Variants in NAALADL2 observed in about 807,000 individuals in gnomAD.
NAALADL2 encodes N-acetylated alpha-linked acidic dipeptidase like 2, also known as inactive N-acetylated-alpha-linked acidic dipeptidase-like protein 2.
Under a neutral mutation model 87.2 loss-of-function variants are expected in NAALADL2, and 76 were observed. The observed-to-expected ratio is 0.87, with a 90% CI of 0.72 to 1.05. The LOEUF (loss-of-function observed/expected upper bound fraction) is 1.05, where lower values mean the gene tolerates loss of function less well. NAALADL2 is among the 50% of genes least tolerant of loss of function. NAALADL2 has a pLI of 0.00. For synonymous variants in NAALADL2, 354 were observed against 331.0 expected (o/e 1.07, Z -0.75); for missense variants, 1,089 against 945.8 (o/e 1.15, Z -1.99).
chr3:174,924,921 GT>G (rs1433358507), intron 1 of NAALADL2, among the ~76,000 whole-genome samples: 16 of 152,176 alleles, frequency 1.1e-4, no homozygotes, highest in Middle Eastern at 3.4e-3. Flanking sequence ...GGGGTTGTTT[GT>G]TTTTTTCTTG....
intron 6 of NAALADL2, among the ~76,000 whole-genome samples, chr3:175,458,304 A>G (rs1375461155): frequency 6.6e-6 from 1 of 151,790 alleles, no homozygotes; most frequent in Non-Finnish European, 1.5e-5. Flanking sequence ...TTACATTTGT[A>G]TGTAAGTATA....
At chr3:175,483,034 G>T (rs957333380) in intron 9 of NAALADL2, among the ~76,000 whole-genome samples, 1 of 151,848 alleles carries the variant, frequency 6.6e-6, no homozygotes, top group Non-Finnish European at 1.5e-5. Flanking sequence ...TGAATAAAAG[G>T]TCTGAATTTC....
intron 11 of NAALADL2, among the ~76,000 whole-genome samples, chr3:175,671,690 A>G (rs531269529): frequency 1.3e-5 from 2 of 152,152 alleles, no homozygotes; most frequent in South Asian, 2.1e-4. Context: ...TACTTAGGAA[A>G]AAAAGAGAAC....
chr3:175,639,655 C>G (rs1729032125), intron 11 of NAALADL2, among the ~76,000 whole-genome samples: 2 of 152,064 alleles, frequency 1.3e-5, no homozygotes, highest in Admixed American at 6.6e-5. Flanking sequence ...ATAGGGAACA[C>G]TTTTGTGGTT....
chr3:175,201,713 A>G (rs1445545287), intron 2 of NAALADL2, among the ~76,000 whole-genome samples: 2 of 151,620 alleles, frequency 1.3e-5, no homozygotes, highest in African/African-American at 2.4e-5. Context: ...GCTTTCTACC[A>G]TCTGTTGTGT....
At chr3:175,765,007 C>G (rs1397483644) in intron 13 of NAALADL2, among the ~76,000 whole-genome samples, 1 of 152,032 alleles carries the variant, frequency 6.6e-6, no homozygotes, top group African/African-American at 2.4e-5. Flanking sequence ...GAACTAAAAT[C>G]CCACCATTGT....
chr3:174,591,537 C>T (rs1024263664), intron 2 of NAALADL2, among the ~76,000 whole-genome samples: 6 of 152,154 alleles, frequency 3.9e-5, no homozygotes, highest in African/African-American at 1.2e-4. Context: ...TGAAAACTTC[C>T]CATCATCTTT....
In NAALADL2 at chr3:174,623,939, G is replaced by A. The variant is rs1042944061; in HGVS notation, c.-115+73302G>A. Among the ~76,000 whole-genome samples the A allele has an allele frequency of 7.2e-5, 11 of 151,976 alleles. 1 individual carries two copies. The highest frequency in any genetic ancestry group is 2.4e-4 in the African/African-American group (10 of 41,378). On this transcript the variant is annotated intron_variant, in intron 2 of 3. Coordinates refer to the NAALADL2 transcript ENST00000434257. Reference sequence around the variant, plus strand: ...AAGTTACTTGGAAAGTAGAGTGATCGATTTAGTTGTATATTTGGATTAGCA... The same window carrying A: ...AAGTTACTTGGAAAGTAGAGTGATCAATTTAGTTGTATATTTGGATTAGCA...
At chr3:175,186,662 T>C (rs1234609127) in intron 2 of NAALADL2, among the ~76,000 whole-genome samples, 1 of 152,118 alleles carries the variant, frequency 6.6e-6, no homozygotes, top group African/African-American at 2.4e-5. Flanking sequence ...TGCAGAAAAC[T>C]GTCTGGCAAA....
At chr3:175,468,604 T>C (rs1176171307) in intron 8 of NAALADL2, among the ~76,000 whole-genome samples, 1 of 152,088 alleles carries the variant, frequency 6.6e-6, no homozygotes, top group Non-Finnish European at 1.5e-5. Flanking sequence ...TTTTGCTATT[T>C]CAAACTATAT....
intron 1 of NAALADL2, among the ~76,000 whole-genome samples, chr3:174,943,265 T>C (rs1738891742): frequency 6.6e-6 from 1 of 152,210 alleles, no homozygotes; most frequent in Admixed American, 6.5e-5. Context: ...TATTTGAAGC[T>C]GCTTTCTTGT....
chr3:174,949,677 T>C (rs976043319), intron 1 of NAALADL2, among the ~76,000 whole-genome samples: 3 of 152,184 alleles, frequency 2.0e-5, no homozygotes, highest in Non-Finnish European at 4.4e-5. Context: ...AAAGGAATGT[T>C]AGTATAATCT....
At chr3:174,648,849 A>G (rs538035599) in intron 2 of NAALADL2, among the ~76,000 whole-genome samples, 4 of 152,312 alleles carry the variant, frequency 2.6e-5, no homozygotes, top group African/African-American at 9.6e-5. Flanking sequence ...TGTAGACATA[A>G]CACATATGTG....
intron 11 of NAALADL2, among the ~76,000 whole-genome samples, chr3:175,736,929 A>G (rs1744579353): frequency 6.6e-6 from 1 of 152,218 alleles, no homozygotes; most frequent in African/African-American, 2.4e-5. Context: ...TCCAATAACC[A>G]GGCATTGATT....
At chr3:174,923,488 C>T (rs1735539650) in intron 1 of NAALADL2, among the ~76,000 whole-genome samples, 1 of 151,982 alleles carries the variant, frequency 6.6e-6, no homozygotes, top group South Asian at 2.1e-4. Flanking sequence ...TATTATTAGG[C>T]AAACAAAATA....
In NAALADL2 at chr3:175,369,906, T is replaced by G. The variant is rs114258270; in HGVS notation, c.1090+45581T>G. 1.2e-3 allele frequency among the ~76,000 whole-genome samples: 187 copies of G among 152,284 alleles called. 1 individual carries two copies. Among genetic ancestry groups the G allele is most frequent in the African/African-American group, 4.4e-3 (181 of 41,562 alleles). On this transcript the variant is annotated intron_variant, in intron 5 of 13. Transcript: ENST00000454872. ...GAGATAACAAAATCCTACATTCCGG[T>G]TTCTGAAGGATGGTATTCTGCAAAT...
At chr3:175,513,541 G>A (rs1037070478) in intron 9 of NAALADL2, among the ~76,000 whole-genome samples, 14 of 152,156 alleles carry the variant, frequency 9.2e-5, no homozygotes, top group African/African-American at 1.2e-4. Context: ...ACTATGGAGC[G>A]ATCCAACCTA....
At chr3:175,359,633 T>C (rs1395417542) in intron 5 of NAALADL2, among the ~76,000 whole-genome samples, 3 of 152,138 alleles carry the variant, frequency 2.0e-5, no homozygotes, top group Non-Finnish European at 2.9e-5. Context: ...AATTACCAAC[T>C]TTTTATTTAT....
chr3:175,556,402 T>TA (rs1401437072), intron 9 of NAALADL2, among the ~76,000 whole-genome samples: 6 of 152,132 alleles, frequency 3.9e-5, no homozygotes, highest in Non-Finnish European at 7.4e-5. Flanking sequence ...CAGAATACTA[T>TA]AAAAATGTAA....
Sources: allele counts gnomAD v4.1 joint callset (sites outside exome capture counted in the v4.1 genomes callset), GRCh38; gene constraint gnomAD v4.1.1; transcripts MANE v1.5; gene names NCBI Gene and HGNC (gene_info 2026-07-23, HGNC 2026-07-21).